Variants in ACSL1 observed in about 807,000 individuals in gnomAD.
ACSL1 encodes the protein acyl-CoA synthetase long chain family member 1.
Under a neutral mutation model 98.4 loss-of-function variants are expected in ACSL1, and 41 were observed. The observed-to-expected ratio is 0.42, with a 90% CI of 0.32 to 0.54. ACSL1 has a LOEUF of 0.54. ACSL1 is among the 20% of genes least tolerant of loss of function. The pLI, the probability that ACSL1 is intolerant of heterozygous loss-of-function variation, is 0.13. For missense variants in ACSL1, 734 were observed against 883.1 expected, an observed-to-expected ratio of 0.83 and a Z score of 2.14; for synonymous variants, 316 against 322.7, an observed-to-expected ratio of 0.98 and a Z score of 0.22.
rs1399816002 is a variant in ACSL1, at chr4:184,760,504, T to C, written c.1639-4A>G. 1.2e-6 allele frequency: 2 copies of C among 1,613,922 alleles called. No homozygotes were observed. Among genetic ancestry groups the C allele is most frequent in the South Asian group, 1.1e-5 (1 of 91,072 alleles). On this transcript the variant is annotated splice_region_variant and splice_polypyrimidine_tract_variant and intron_variant, in intron 17 of 20. Transcript: ENST00000281455. Reference sequence around the variant, plus strand: ...CGATAATTTTCAAGGTGCCATTCTGTTGATCAGAGGGGAGGGGGTTATGAA... The same window carrying C: ...CGATAATTTTCAAGGTGCCATTCTGCTGATCAGAGGGGAGGGGGTTATGAA...
At chr4:184,769,070 A>AAAATAT (rs1554017319) in intron 11 of ACSL1, among the ~76,000 whole-genome samples, 3 of 147,654 alleles carry the variant, frequency 2.0e-5, no homozygotes, top group Non-Finnish European at 3.0e-5. Context: ...CTCTGTCTCA[A>AAAATAT]ATATATATAT....
In ACSL1 at chr4:184,757,361, A is replaced by G; in HGVS notation, c.1957-96T>C. On this transcript the variant is annotated intron_variant, in intron 20 of 20. Coordinates refer to ENST00000281455, the MANE Select transcript of ACSL1 (RefSeq NM_001995.5). The surrounding 1 kb of genome is among the most constrained non-coding windows in gnomAD (Gnocchi z 4.5). ...TGGAGGGGATCAACACTCTCCAGCC[A>G]TCCAATCCATCCTCTCATTTCAGCC... 1 of 1,413,726 alleles carries G rather than the reference A, an allele frequency of 7.1e-7. No homozygotes were observed. The highest frequency in any genetic ancestry group is 9.5e-7 in the Non-Finnish European group (1 of 1,052,618). The allele number at this position is 1,413,726 out of a possible 1,614,324, so 87.6% of individuals were successfully genotyped here. A position where few individuals can be genotyped will look rare whatever the true frequency, so the allele number is the denominator to read the frequency against.
At chr4:184,817,108 T>C (rs967103225) in intron 1 of ACSL1, among the ~76,000 whole-genome samples, 1 of 152,174 alleles carries the variant, frequency 6.6e-6, no homozygotes, top group Non-Finnish European at 1.5e-5. Flanking sequence ...ACTCTGGAGT[T>C]AACCTGACTC....
chr4:184,783,048 C>T (rs543269732), intron 4 of ACSL1, among the ~76,000 whole-genome samples: 9 of 152,292 alleles, frequency 5.9e-5, no homozygotes, highest in East Asian at 5.8e-4. Flanking sequence ...GGGCCAGGGA[C>T]GGGAGCCTTT....
intron 2 of ACSL1, among the ~76,000 whole-genome samples, chr4:184,791,863 A>G (rs1441269908): frequency 6.6e-6 from 1 of 152,158 alleles, no homozygotes; most frequent in Non-Finnish European, 1.5e-5. Flanking sequence ...CCCTTTAATC[A>G]AATAGAAGAC....
At chr4:184,769,070 A>AATATAT (rs34360556) in intron 11 of ACSL1, among the ~76,000 whole-genome samples, 12,021 of 147,424 alleles carry the variant, frequency 0.082, 605 homozygotes, top group Non-Finnish European at 0.11. Context: ...CTCTGTCTCA[A>AATATAT]ATATATATAT....
chr4:184,811,234 G>A (rs1450598527), intron 1 of ACSL1, among the ~76,000 whole-genome samples: 2 of 151,996 alleles, frequency 1.3e-5, no homozygotes. Flanking sequence ...TCAGCCTCCG[G>A]AGTAGCTGGA....
Position 184,770,448 on chromosome 4 carries a change from G to C in ACSL1, c.944C>G (p.Thr315Ser). Residue 315 changes from threonine to serine, a missense_variant, in exon 11 of 21, where the codon ACT becomes AGT. By Grantham distance (58) the Thr-to-Ser change is moderately conservative (BLOSUM62 1). Transcript: ENST00000281455. ...GGCGAGAGGCAAGAAAGATATCAAA[G>C]TATCATCTGGGCAAGGATTGACTGT... is the stretch of plus-strand genomic sequence containing the variant. ...ENTVNPCPDD[T>S]LISFLPLAHM... The C allele has an allele frequency of 6.2e-7, 1 of 1,609,034 alleles. No homozygotes were observed.
At chr4:184,784,348 A>C (rs914050223) in intron 3 of ACSL1, among the ~76,000 whole-genome samples, 10 of 152,210 alleles carry the variant, frequency 6.6e-5, no homozygotes, top group Admixed American at 2.0e-4. Context: ...TGGTAAACAG[A>C]TACCTTTTCA....
intron 7 of ACSL1, among the ~76,000 whole-genome samples, chr4:184,776,241 T>A (rs750574658): frequency 6.6e-6 from 1 of 152,232 alleles, no homozygotes; most frequent in Non-Finnish European, 1.5e-5. Context: ...TTGTCAGTGC[T>A]CTGGAATAAA....
At chr4:184,786,552 ATAAAT>A (rs1767380753) in intron 3 of ACSL1, among the ~76,000 whole-genome samples, 1 of 152,148 alleles carries the variant, frequency 6.6e-6, no homozygotes, top group Non-Finnish European at 1.5e-5. Flanking sequence ...GAGAATGTTC[ATAAAT>A]TAAATAATAC....
intron 5 of ACSL1, among the ~76,000 whole-genome samples, chr4:184,779,078 A>G (rs1765779502): frequency 6.6e-6 from 1 of 152,216 alleles, no homozygotes; most frequent in Non-Finnish European, 1.5e-5. Context: ...TAATCTATTG[A>G]GTCATACCAT....
At chr4:184,813,619 G>T in intron 1 of ACSL1, 1 of 307,788 alleles carries the variant, frequency 3.2e-6, no homozygotes, top group Non-Finnish European at 6.7e-6. Flanking sequence ...AGGGTATTAG[G>T]CAAGACAAGC....
chr4:184,776,907 G>A lies in ACSL1; in HGVS notation c.554C>T (p.Ala185Val). 1 of 1,614,166 alleles carries A rather than the reference G, an allele frequency of 6.2e-7. No homozygotes were observed. Among genetic ancestry groups the A allele is most frequent in the Non-Finnish European group, 8.5e-7 (1 of 1,180,022 alleles). ...VPLYDTLGNE[A>V]ITYIVNKAEL... ...ACCTTTGTTGACTATGTACGTGATG[G>A]CTTCATTTCCAAGGGTATCATAAAG... is the stretch of plus-strand genomic sequence containing the variant. Residue 185 changes from alanine (A) to valine (V), a missense_variant, in exon 6 of 21, where the codon GCC (alanine) becomes GTC (valine). Physicochemically the swap from Ala to Val is moderately conservative, Grantham distance 64. Transcript: ENST00000281455.
chr4:184,814,309 A>AAAG (rs1772421035), intron 1 of ACSL1, among the ~76,000 whole-genome samples: 1 of 151,268 alleles, frequency 6.6e-6, no homozygotes, highest in Non-Finnish European at 1.5e-5. Context: ...AAAAAAAAAA[A>AAAG]AAAAGGAGAG....
intron 12 of ACSL1, 71 bp downstream of exon 12, chr4:184,768,245 G>T: frequency 6.6e-7 from 1 of 1,510,030 alleles, no homozygotes. Context: ...ACATGGCACA[G>T]CCCAATTCAA....
chr4:184,825,712 G>A lies in ACSL1; in HGVS notation c.-33+204C>T, dbSNP rs1169001800. On this transcript the variant is annotated intron_variant, in intron 1 of 20. Transcript: ENST00000281455. The surrounding 1 kb of genome is among the most constrained non-coding windows in gnomAD (Gnocchi z 4.7). ...GCTGCGGCAGCACGGGCACCCCGGA[G>A]GCCTCCGGCTGCCGAGGGAAGCGGG... Among the ~76,000 whole-genome samples, 2 of 149,888 alleles carry A rather than the reference G, an allele frequency of 1.3e-5. No individual in the cohort carries two copies. The highest frequency in any genetic ancestry group is 3.0e-5 in the Non-Finnish European group (2 of 67,056).
intron 1 of ACSL1, among the ~76,000 whole-genome samples, chr4:184,816,891 C>G (rs998049807): frequency 6.6e-6 from 1 of 152,050 alleles, no homozygotes; most frequent in African/African-American, 2.4e-5. Flanking sequence ...AGGAGGCAAC[C>G]TGAATATTGA....
intron 2 of ACSL1, among the ~76,000 whole-genome samples, chr4:184,797,635 G>A (rs1376788252): frequency 2.6e-5 from 4 of 152,200 alleles, no homozygotes; most frequent in African/African-American, 9.7e-5. Context: ...CCTTTAGTTT[G>A]CTTCTTCCAA....
Sources: allele counts gnomAD v4.1 joint callset (sites outside exome capture counted in the v4.1 genomes callset), GRCh38; gene constraint gnomAD v4.1.1; non-coding constraint Gnocchi (gnomAD v3.1); transcripts MANE v1.5; gene names NCBI Gene and HGNC (gene_info 2026-07-23, HGNC 2026-07-21).